Variants in NLGN4Y observed in about 807,000 individuals in gnomAD.
NLGN4Y encodes neuroligin-4, Y-linked.
In NLGN4Y, 4 loss-of-function variants were observed where a neutral mutation model predicts 8.4. The observed-to-expected ratio is 0.48, with a 90% CI of 0.23 to 1.09. NLGN4Y has a LOEUF of 1.09. NLGN4Y is among the 50% of genes least tolerant of loss of function. The pLI, the probability that NLGN4Y is intolerant of heterozygous loss-of-function variation, is 0.19. For synonymous variants in NLGN4Y, 35 were observed against 75.6 expected (o/e 0.46, Z 2.78); for missense variants, 90 against 192.3 (o/e 0.47, Z 3.15).
At chrY:14,798,687 A>G in intron 4 of NLGN4Y, 1 of 33,862 alleles carries the variant, frequency 3.0e-5, no homozygotes, top group South Asian at 6.4e-4. Context: ...CAATAATTAT[A>G]TCTTATGTAG....
At chrY:14,567,177 C>A (rs2080254456) in intron 1 of NLGN4Y, among the ~76,000 whole-genome samples, 1 of 29,729 alleles carries the variant, frequency 3.4e-5, no homozygotes, top group Non-Finnish European at 7.9e-5. Context: ...TGGGAACATG[C>A]TAATGGTTAT....
intron 1 of NLGN4Y, among the ~76,000 whole-genome samples, chrY:14,575,950 G>T: frequency 9.1e-5 from 3 of 33,070 alleles, no homozygotes; most frequent in Admixed American, 2.8e-4. Context: ...TCCCCTGGAA[G>T]TTTTGTCTCA....
chrY:14,629,278 CAA>C (rs2080540319), intron 2 of NLGN4Y, among the ~76,000 whole-genome samples: 1 of 33,867 alleles, frequency 3.0e-5, no homozygotes, highest in Non-Finnish European at 7.3e-5. Context: ...GGATGTAATT[CAA>C]GATATAATTT....
intron 1 of NLGN4Y, among the ~76,000 whole-genome samples, chrY:14,529,308 T>TA (rs766609098): frequency 4.3e-4 from 12 of 28,095 alleles, no homozygotes; most frequent in Non-Finnish European, 7.8e-4. Context: ...TTGGATCCTT[T>TA]AAAAAAAAAA....
At chrY:14,574,442 C>A in intron 1 of NLGN4Y, among the ~76,000 whole-genome samples, 11 of 32,919 alleles carry the variant, frequency 3.3e-4, no homozygotes, top group Non-Finnish European at 8.2e-4. Context: ...TTTCCATTTG[C>A]TTGGTAGATC....
rs2043226628 is a variant in NLGN4Y at position 14,842,019 on chromosome Y, A to G, written c.*757A>G. 8.3e-6 allele frequency: 1 copy of G among 120,077 alleles called. No homozygotes were observed. The allele number at this position is 120,077 out of a possible 400,897, so 30.0% of individuals were successfully genotyped here. A position where few individuals can be genotyped will look rare whatever the true frequency, so the allele number is the denominator to read the frequency against. ...CTACCACCTTAGTTCCTCTACAGCA[A>G]AAGAGGCTTTTCTTCTTAATTACAT... On this transcript the variant is annotated 3_prime_UTR_variant, in exon 7 of 7. Transcript: ENST00000684976.
chrY:14,799,669 G>A, intron 4 of NLGN4Y, among the ~76,000 whole-genome samples: 1 of 33,282 alleles, frequency 3.0e-5, no homozygotes, highest in African/African-American at 1.2e-4. Flanking sequence ...GACCTCATCA[G>A]TTATTGTTAG....
chrY:14,605,362 C>T, intron 1 of NLGN4Y, among the ~76,000 whole-genome samples: 1 of 33,122 alleles, frequency 3.0e-5, no homozygotes, highest in Non-Finnish European at 7.4e-5. Flanking sequence ...AATAGTATTC[C>T]ATGGTATGTA....
At chrY:14,768,164 A>G in intron 4 of NLGN4Y, among the ~76,000 whole-genome samples, 1 of 33,658 alleles carries the variant, frequency 3.0e-5, no homozygotes, top group Non-Finnish European at 7.4e-5. Flanking sequence ...ACCATCACTC[A>G]TCTCCTTTTT....
chrY:14,776,078 A>G (rs2081124787), intron 4 of NLGN4Y, among the ~76,000 whole-genome samples: 1 of 32,203 alleles, frequency 3.1e-5, no homozygotes, highest in Non-Finnish European at 7.5e-5. Context: ...TTATGATGTT[A>G]TGAATGTGTC....
chrY:14,527,555 A>G lies in NLGN4Y; in HGVS notation c.-112+2847A>G, dbSNP rs770328509. On this transcript the variant is annotated intron_variant, in intron 1 of 6. Transcript: ENST00000684976. ...TGCTGTTTTTTGTTTTTGTCTGAGT[A>G]CTACACTTTTTCAGAGGAGAGTCTT... 1.8e-3 allele frequency among the ~76,000 whole-genome samples: 61 copies of G among 33,944 alleles called. No homozygotes were observed. In the East Asian group the frequency reaches 0.041, roughly 23 times the overall value. 91.1% of individuals were successfully genotyped at this position (33,944 alleles called of 37,273 possible).
chrY:14,716,846 GAC>G (rs2080917088), intron 2 of NLGN4Y, among the ~76,000 whole-genome samples: 1 of 33,948 alleles, frequency 2.9e-5, no homozygotes, highest in Non-Finnish European at 7.3e-5. Flanking sequence ...TCAGTAATAA[GAC>G]ACAAATTATT....
chrY:14,805,781 G>T, intron 4 of NLGN4Y, among the ~76,000 whole-genome samples: 1 of 34,088 alleles, frequency 2.9e-5, no homozygotes, highest in African/African-American at 1.1e-4. Context: ...CCTGTTAAAT[G>T]AACACATGGA....
chrY:14,590,485 A>G, intron 1 of NLGN4Y, among the ~76,000 whole-genome samples: 2 of 33,821 alleles, frequency 5.9e-5, no homozygotes, highest in African/African-American at 2.3e-4. Flanking sequence ...TCTCTAGGCC[A>G]GGGGAAGTGC....
At chrY:14,541,190 G>A in intron 1 of NLGN4Y, among the ~76,000 whole-genome samples, 1 of 33,247 alleles carries the variant, frequency 3.0e-5, no homozygotes, top group East Asian at 7.9e-4. Flanking sequence ...TGATCAAGTG[G>A]AAGAAAGGAT....
chrY:14,593,260 G>C, intron 1 of NLGN4Y, among the ~76,000 whole-genome samples: 1 of 33,579 alleles, frequency 3.0e-5, no homozygotes, highest in East Asian at 7.9e-4. Flanking sequence ...AGGCATATGG[G>C]AGAAGTCTAA....
At chrY:14,658,370 C>T in intron 2 of NLGN4Y, among the ~76,000 whole-genome samples, 1 of 33,458 alleles carries the variant, frequency 3.0e-5, no homozygotes, top group Non-Finnish European at 7.4e-5. Flanking sequence ...GCAAAGAAAA[C>T]GCCTTTTTGC....
At chrY:14,708,021 G>A (rs752125332) in intron 2 of NLGN4Y, among the ~76,000 whole-genome samples, 57 of 32,832 alleles carry the variant, frequency 1.7e-3, no homozygotes, top group Admixed American at 4.8e-3. Flanking sequence ...TTATAATAAA[G>A]CATTTTTGAT....
At chrY:14,584,796 G>C (rs774431443) in intron 1 of NLGN4Y, among the ~76,000 whole-genome samples, 1 of 32,747 alleles carries the variant, frequency 3.1e-5, no homozygotes, top group South Asian at 6.9e-4. Flanking sequence ...GAAATAGTTA[G>C]CACATATATT....
Sources: allele counts gnomAD v4.1 joint callset (sites outside exome capture counted in the v4.1 genomes callset), GRCh38; gene constraint gnomAD v4.1.1; transcripts MANE v1.5; gene names NCBI Gene and HGNC (gene_info 2026-07-23, HGNC 2026-07-21).